The following HNRNPA2B1 variants were observed in gnomAD, a reference collection of about 807,000 sequenced individuals.
HNRNPA2B1 encodes heterogeneous nuclear ribonucleoproteins A2/B1.
In HNRNPA2B1, 3 loss-of-function variants were observed where a neutral mutation model predicts 46.3. The ratio of observed to expected loss-of-function variants is 0.06; its 90% CI spans 0.03 to 0.17. The LOEUF (loss-of-function observed/expected upper bound fraction) is 0.17. Ranked by LOEUF, HNRNPA2B1 falls within the 10% of genes least tolerant of loss-of-function variation. The probability of loss-of-function intolerance (pLI) is 1.00; values close to 1 mark genes in which losing one functional copy is unlikely to be tolerated. For missense variants in HNRNPA2B1, 221 were observed against 418.9 expected, an observed-to-expected ratio of 0.53 and a Z score of 4.12; for synonymous variants, 225 against 133.8, an observed-to-expected ratio of 1.68 and a Z score of -4.70.
chr7:26,197,252 TTC>T (rs748753663), intron 3 of HNRNPA2B1, 61 bp downstream of exon 3: 30 of 1,507,766 alleles, frequency 2.0e-5, no homozygotes, highest in African/African-American at 5.6e-5. Flanking sequence ...CAGAAATAGT[TTC>T]TGATTTTCAG....
intron 6 of HNRNPA2B1, 116 bp downstream of exon 6, chr7:26,196,285 T>C (rs10499571): frequency 0.014 from 11,416 of 810,242 alleles, 422 homozygotes; most frequent in East Asian, 0.1. Context: ...TACAATCTAT[T>C]TGAAGTCTTA....
chr7:26,196,368 T>C, intron 6 of HNRNPA2B1, 33 bp downstream of exon 6: 1 of 1,523,736 alleles, frequency 6.6e-7, no homozygotes, highest in Non-Finnish European at 9.0e-7. Context: ...AAAAGCACAC[T>C]CATCCTTTAA....
intron 1 of HNRNPA2B1, 80 bp downstream of exon 1, chr7:26,200,492 G>T: frequency 1.4e-6 from 2 of 1,425,962 alleles, no homozygotes; most frequent in South Asian, 1.1e-5. Flanking sequence ...CTCCCACGGA[G>T]GCGGCTGGCC....
At chr7:26,197,771 T>C in intron 1 of HNRNPA2B1, 39 bp from the exon 2 acceptor site, 1 of 1,598,690 alleles carries the variant, frequency 6.3e-7, no homozygotes, top group African/African-American at 1.3e-5. Flanking sequence ...TATTTACATT[T>C]TCCTCTTTGT....
At chr7:26,195,084 C>A (rs1304132088) in intron 7 of HNRNPA2B1, among the ~76,000 whole-genome samples, 1 of 120,414 alleles carries the variant, frequency 8.3e-6, no homozygotes, top group South Asian at 2.6e-4. Context: ...CAGAGCAAGG[C>A]TCCGTCTCAA....
chr7:26,192,606 C>A, intron 9 of HNRNPA2B1, 29 bp from the exon 10 acceptor site: 1 of 1,589,740 alleles, frequency 6.3e-7, no homozygotes. Context: ...CAAGAGAAAA[C>A]AAACTTACTT....
rs1161016520 is a variant in HNRNPA2B1 at position 26,193,699 on chromosome 7, T to C, written c.722-5A>G. ...GGCTACCTCCAAAATTGCCACCTAT[T>C]ATAAAATAAGCCTTTAAGTAATCAC... On this transcript the variant is annotated splice_region_variant and splice_polypyrimidine_tract_variant and intron_variant, in intron 7 of 10. Transcript: ENST00000618183. 1.9e-6 allele frequency: 3 copies of C among 1,610,558 alleles called. No individual in the cohort carries two copies. The Admixed American group carries it at 5.0e-5, about 27-fold the overall frequency.
At chr7:26,194,798 T>TA (rs200966644) in intron 7 of HNRNPA2B1, among the ~76,000 whole-genome samples, 7,635 of 118,176 alleles carry the variant, frequency 0.065, 549 homozygotes, top group East Asian at 0.4. Flanking sequence ...AAAACAAAAA[T>TA]AAAAAAAAAA....
rs1252191824 is a variant in HNRNPA2B1 at position 26,190,587 on chromosome 7, A to T, written c.*1773T>A. 2.0e-5 allele frequency: 3 copies of T among 152,234 alleles called. No homozygotes were observed. Among genetic ancestry groups the T allele is most frequent in the Non-Finnish European group, 4.4e-5 (3 of 68,036 alleles). 9.4% of individuals were successfully genotyped at this position (152,234 alleles called of 1,614,324 possible). A position where few individuals can be genotyped will look rare whatever the true frequency, so the allele number is the denominator to read the frequency against. ...GTGTATAGAGTAAGCCCTGAGTATCACATTCCTGTAAAGGCAATAAAGCCG... is the reference window on the plus strand; with the variant it reads ...GTGTATAGAGTAAGCCCTGAGTATCTCATTCCTGTAAAGGCAATAAAGCCG... On this transcript the variant is annotated 3_prime_UTR_variant, in exon 11 of 11. Coordinates refer to ENST00000618183, the MANE Select transcript of HNRNPA2B1 (RefSeq NM_002137.4).
At chr7:26,199,623 T>A (rs1230936989) in intron 1 of HNRNPA2B1, 1 of 152,176 alleles carries the variant, frequency 6.6e-6, no homozygotes, top group Non-Finnish European at 1.5e-5. Context: ...CTGACGCGAA[T>A]ATCCCTCCCC....
chr7:26,197,514 T>G, intron 2 of HNRNPA2B1, 53 bp from the exon 3 acceptor site: 1 of 1,591,800 alleles, frequency 6.3e-7, no homozygotes, highest in Non-Finnish European at 8.6e-7. Flanking sequence ...AGCTTATAAG[T>G]GAAGTCATAA....
chr7:26,197,951 G>A, intron 1 of HNRNPA2B1: 1 of 715,098 alleles, frequency 1.4e-6, no homozygotes, highest in Non-Finnish European at 2.1e-6. Context: ...AATTGCCTCA[G>A]CTGATCTACA....
chr7:26,197,559 C>T (rs1783787486), intron 2 of HNRNPA2B1, 63 bp downstream of exon 2: 21 of 1,557,780 alleles, frequency 1.3e-5, no homozygotes, highest in Non-Finnish European at 1.9e-5. Context: ...TTATTTCCTC[C>T]ATGATTCACT....
At position 26,197,228 on chromosome 7, in the gene HNRNPA2B1, G is replaced by A. The variant is rs544868451; in HGVS notation, c.264+87C>T. 44 of 1,452,174 alleles carry A rather than the reference G, an allele frequency of 3.0e-5. No homozygotes were observed. The Admixed American group carries it at 5.2e-4, about 17-fold the overall frequency. The allele number at this position is 1,452,174 out of a possible 1,614,324, so 90.0% of individuals were successfully genotyped here. A position where few individuals can be genotyped will look rare whatever the true frequency, so the allele number is the denominator to read the frequency against. ...CCTTTAATAAGAGAAAAAATCTTGAGTTAAAACTAAATTCAGAAATAGTTT... is the reference window on the plus strand; with the variant it reads ...CCTTTAATAAGAGAAAAAATCTTGAATTAAAACTAAATTCAGAAATAGTTT... On this transcript the variant is annotated intron_variant, in intron 3 of 10. Transcript: ENST00000618183.
rs1004019188 is a variant in HNRNPA2B1, at chr7:26,189,984, T to C, written c.*2376A>G. 2.0e-5 allele frequency: 3 copies of C among 152,284 alleles called. No homozygotes were observed. The highest frequency in any genetic ancestry group is 3.8e-4 in the East Asian group (2 of 5,200). 9.4% of individuals were successfully genotyped at this position (152,284 alleles called of 1,614,324 possible). A position where few individuals can be genotyped will look rare whatever the true frequency, so the allele number is the denominator to read the frequency against. On this transcript the variant is annotated 3_prime_UTR_variant, in exon 11 of 11. Coordinates refer to ENST00000618183, the MANE Select transcript of HNRNPA2B1 (RefSeq NM_002137.4). ...ACAGCCAATAATGTCCACAATGCTC[T>C]TCTCATTTACCTGTTAATATTAAAA...
At chr7:26,197,561 T>C (rs1783787689) in intron 2 of HNRNPA2B1, 61 bp downstream of exon 2, 12 of 1,558,178 alleles carry the variant, frequency 7.7e-6, no homozygotes, top group Non-Finnish European at 9.7e-6. Context: ...ATTTCCTCCA[T>C]GATTCACTTA....
chr7:26,200,184 C>G (rs1784238922), intron 1 of HNRNPA2B1: 1 of 274,602 alleles, frequency 3.6e-6, no homozygotes, highest in African/African-American at 2.2e-5. Context: ...GGGGAAGCTC[C>G]GCAGCCTCGC....
At chr7:26,199,050 G>C (rs1031523287) in intron 1 of HNRNPA2B1, 1 of 152,154 alleles carries the variant, frequency 6.6e-6, no homozygotes, top group South Asian at 2.1e-4. Context: ...TGTCACGATA[G>C]TTATTTTCAT....
rs536000040 is a variant in HNRNPA2B1, at chr7:26,194,179, G to A, written c.722-485C>T. Among the ~76,000 whole-genome samples, 12 of 152,140 alleles carry A rather than the reference G, an allele frequency of 7.9e-5. No individual in the cohort carries two copies. The South Asian group carries it at 8.3e-4, about 11-fold the overall frequency. On this transcript the variant is annotated intron_variant, in intron 7 of 10. Coordinates refer to ENST00000618183, the MANE Select transcript of HNRNPA2B1 (RefSeq NM_002137.4). ...GGGAAGGCCGAGGCGGACGGATCAC[G>A]AGGTCAAGAGATTGAGACCACCCTG...
Sources: allele counts gnomAD v4.1 joint callset (sites outside exome capture counted in the v4.1 genomes callset), GRCh38; gene constraint gnomAD v4.1.1; transcripts MANE v1.5; gene names NCBI Gene and HGNC (gene_info 2026-07-23, HGNC 2026-07-21).